CAPRIN2: variants seen among roughly 807,000 people sequenced by gnomAD.
The protein encoded by CAPRIN2 is caprin family member 2.
CAPRIN2 carries 66 observed loss-of-function variants against 130.4 expected under a neutral mutation model. The ratio of observed to expected loss-of-function variants is 0.51; its 90% confidence interval spans 0.42 to 0.62. The LOEUF (loss-of-function observed/expected upper bound fraction) is 0.62, where lower values mean the gene tolerates loss of function less well. CAPRIN2 is among the 20% of genes least tolerant of loss of function. The pLI, the probability that CAPRIN2 is intolerant of heterozygous loss-of-function variation, is 0.00. For missense variants in CAPRIN2, 1,185 were observed against 1,246.6 expected (o/e 0.95, Z 0.74); for synonymous variants, 471 against 444.1 (o/e 1.06, Z -0.76).
intron 16 of CAPRIN2, among the ~76,000 whole-genome samples, chr12:30,711,178 C>T (rs1032124099): frequency 6.6e-6 from 1 of 152,114 alleles, no homozygotes; most frequent in Non-Finnish European, 1.5e-5. Flanking sequence ...TCTCAAGTCA[C>T]GGTGTCTTAA....
At chr12:30,729,196 C>T (rs1238786814) in exon 8 of CAPRIN2, 1 of 1,614,018 alleles carries the variant, frequency 6.2e-7, no homozygotes, top group Non-Finnish European at 8.5e-7. Flanking sequence ...TTCTCTTGAC[C>T]ATCTGGTTCA....
intron 1 of CAPRIN2, among the ~76,000 whole-genome samples, chr12:30,752,682 A>C (rs2140044166): frequency 6.6e-6 from 1 of 152,332 alleles, no homozygotes; most frequent in East Asian, 1.9e-4. Flanking sequence ...GTACTTAACA[A>C]CACATAGGTC....
chr12:30,712,562 A>G (rs1591901231), intron 15 of CAPRIN2, among the ~76,000 whole-genome samples: 1 of 152,148 alleles, frequency 6.6e-6, no homozygotes, highest in African/African-American at 2.4e-5. Context: ...GCTTTAGTTC[A>G]TTTAATTCTC....
intron 6 of CAPRIN2, 64 bp from the exon 8 acceptor site, chr12:30,730,346 AC>A: frequency 9.0e-7 from 1 of 1,105,284 alleles, no homozygotes; most frequent in South Asian, 1.3e-5. Context: ...ACAGATTACA[AC>A]TATAATTCAT....
At chr12:30,753,271 G>T in intron 1 of CAPRIN2, 73 bp downstream of exon 2, 1 of 1,285,536 alleles carries the variant, frequency 7.8e-7, no homozygotes, top group Non-Finnish European at 1.1e-6. Flanking sequence ...ACACCTATGA[G>T]CTCTGAAAGA....
At chr12:30,719,523 T>C (rs2058718638) in intron 12 of CAPRIN2, 3 of 273,046 alleles carry the variant, frequency 1.1e-5, no homozygotes, top group Admixed American at 5.1e-5. Flanking sequence ...AAATGGTAAT[T>C]TCCAGTTAAG....
At chr12:30,737,449 G>A (rs957166672) in intron 3 of CAPRIN2, among the ~76,000 whole-genome samples, 5 of 152,100 alleles carry the variant, frequency 3.3e-5, no homozygotes, top group Admixed American at 6.5e-5. Context: ...ACAATCAGGT[G>A]TCATGAAAAG....
rs754556464 is a variant in CAPRIN2, at chr12:30,714,964, T to A, written c.2495A>T (p.Tyr832Phe). ...CAATTTTATTCAGGGCATACCTTTATAACCACCAGGGGACCGATAGGAATT... is the reference window on the plus strand; with the variant it reads ...CAATTTTATTCAGGGCATACCTTTAAAACCACCAGGGGACCGATAGGAATT... Residue 832 changes from tyrosine (Y) to phenylalanine (F), a missense_variant, in exon 14 of 17, where the codon TAT becomes TTT. Around this residue, in one of 2 missense-constraint regions of CAPRIN2, gnomAD observed 1,104 missense variants for 1,104.3 expected, o/e 1.00. Transcript: ENST00000298892. 1 of 1,613,154 alleles carries A rather than the reference T, an allele frequency of 6.2e-7. No individual in the cohort carries two copies. The highest frequency in any genetic ancestry group is 1.1e-5 in the South Asian group (1 of 91,040).
chr12:30,724,345 C>G, intron 10 of CAPRIN2, 25 bp downstream of exon 11: 1 of 1,479,260 alleles, frequency 6.8e-7, no homozygotes, highest in Middle Eastern at 1.7e-4. Flanking sequence ...GACGTTTGCT[C>G]CAAGTCTTTA....
At chr12:30,725,192 G>A (rs1432945790) in intron 9 of CAPRIN2, among the ~76,000 whole-genome samples, 4 of 152,148 alleles carry the variant, frequency 2.6e-5, no homozygotes, top group Non-Finnish European at 5.9e-5. Flanking sequence ...TTTTCAAGAT[G>A]AGAAATCACG....
chr12:30,751,025 G>A lies in CAPRIN2; in HGVS notation c.483+46C>T, dbSNP rs756453534. On this transcript the variant is annotated intron_variant, in intron 2 of 16. Transcript: ENST00000298892. Reference sequence around the variant, plus strand: ...CACTAAATCCATGTAGTTTTATTAAGAAAAGAAAACCAGCAAGTCTTACTA... The same window carrying A: ...CACTAAATCCATGTAGTTTTATTAAAAAAAGAAAACCAGCAAGTCTTACTA... The A allele has an allele frequency of 5.0e-6, 7 of 1,398,966 alleles. No homozygotes were observed. The South Asian group carries it at 6.9e-5, about 14-fold the overall frequency. The allele number at this position is 1,398,966 out of a possible 1,614,324, so 86.7% of individuals were successfully genotyped here.
intron 9 of CAPRIN2, 123 bp from the exon 11 acceptor site, chr12:30,724,574 T>G: frequency 3.1e-6 from 2 of 643,974 alleles, no homozygotes; most frequent in Non-Finnish European, 5.5e-6. Flanking sequence ...TAGCTAAAGC[T>G]ATAGGTATCT....
At chr12:30,728,859 T>C (rs763128989) in exon 8 of CAPRIN2, 3 of 1,614,134 alleles carry the variant, frequency 1.9e-6, no homozygotes, top group Non-Finnish European at 1.7e-6. Flanking sequence ...CTTGGTGGTG[T>C]TCTGTTCGCT....
At chr12:30,717,624 T>C (rs894245705) in intron 12 of CAPRIN2, among the ~76,000 whole-genome samples, 1 of 152,134 alleles carries the variant, frequency 6.6e-6, no homozygotes, top group African/African-American at 2.4e-5. Context: ...CACTCCTACT[T>C]GATTCCTGAC....
chr12:30,718,977 A>C (rs2058516378), intron 12 of CAPRIN2, 102 bp downstream of exon 14: 1 of 1,362,766 alleles, frequency 7.3e-7, no homozygotes, highest in Non-Finnish European at 9.9e-7. Context: ...TAAATTTTAC[A>C]AAAGGCAAAC....
chr12:30,747,488 A>C (rs1190358431), intron 2 of CAPRIN2, among the ~76,000 whole-genome samples: 2 of 151,990 alleles, frequency 1.3e-5, no homozygotes, highest in Non-Finnish European at 1.5e-5. Context: ...GACCAGCCTG[A>C]CCAACACGGA....
At chr12:30,729,193 G>T in exon 8 of CAPRIN2, 1 of 1,614,006 alleles carries the variant, frequency 6.2e-7, no homozygotes, top group Non-Finnish European at 8.5e-7. Flanking sequence ...TTCTTCTCTT[G>T]ACCATCTGGT....
Position 30,729,558 on chromosome 12 carries a change from T to G in CAPRIN2, c.1105-233A>C, listed in dbSNP as rs189310938. Among the ~76,000 whole-genome samples, 57 of 152,320 alleles carry G rather than the reference T, an allele frequency of 3.7e-4. 1 individual carries two copies. The highest frequency in any genetic ancestry group is 1.3e-3 in the African/African-American group (56 of 41,588). ...AATACAGACTTCGATACATCAAAAG[T>G]AGCAACTTCTGTTGGACTTGCCTAA... On this transcript the variant is annotated intron_variant, in intron 7 of 16. Transcript: ENST00000298892.
chr12:30,728,523 C>G, intron 8 of CAPRIN2, 125 bp downstream of exon 9: 1 of 774,470 alleles, frequency 1.3e-6, no homozygotes, highest in Non-Finnish European at 2.0e-6. Context: ...CCACTGCACT[C>G]CAGCCTGGGT....
Sources: allele counts gnomAD v4.1 joint callset (sites outside exome capture counted in the v4.1 genomes callset), GRCh38; gene constraint gnomAD v4.1.1; regional missense constraint gnomAD v4.1.1; transcripts MANE v1.5; gene names NCBI Gene and HGNC (gene_info 2026-07-23, HGNC 2026-07-21).